The following SLC39A8 variants were observed in gnomAD, a reference collection of about 807,000 sequenced individuals.
SLC39A8 encodes the protein solute carrier family 39 member 8.
SLC39A8 carries 15 observed loss-of-function variants against 40.4 expected under a neutral mutation model. The ratio of observed to expected loss-of-function variants is 0.37; its 90% CI spans 0.25 to 0.57. SLC39A8 has a LOEUF of 0.57. Ranked by LOEUF, SLC39A8 falls within the 20% of genes least tolerant of loss-of-function variation. The pLI, the probability that SLC39A8 is intolerant of heterozygous loss-of-function variation, is 0.75. For synonymous variants in SLC39A8, 223 were observed against 221.6 expected (o/e 1.01, Z -0.06); for missense variants, 472 against 558.8 (o/e 0.84, Z 1.57).
intron 6 of SLC39A8, among the ~76,000 whole-genome samples, chr4:102,283,972 T>G (rs923226858): frequency 6.6e-6 from 1 of 151,848 alleles, no homozygotes; most frequent in Non-Finnish European, 1.5e-5. Flanking sequence ...GATGGTTCCT[T>G]CTTACAATTC....
rs146486178 is a variant in SLC39A8 at position 102,263,267 on chromosome 4, A to G, written c.1234-74T>C. On this transcript the variant is annotated intron_variant, in intron 8 of 8. Coordinates refer to ENST00000356736, the MANE Select transcript of SLC39A8 (RefSeq NM_001135146.2). ...CCACAAAACAGTCACTTAGAGGCAT[A>G]CCTTGGAGACAGTGTGGGTTTGGTT... 5.4e-6 allele frequency: 7 copies of G among 1,301,456 alleles called. No homozygotes were observed. The African/African-American group carries it at 7.3e-5, about 14-fold the overall frequency. The allele number at this position is 1,301,456 out of a possible 1,614,324, so 80.6% of individuals were successfully genotyped here.
At chr4:102,306,051 C>T (rs1734157985) in intron 4 of SLC39A8, among the ~76,000 whole-genome samples, 1 of 151,812 alleles carries the variant, frequency 6.6e-6, no homozygotes, top group Admixed American at 6.6e-5. Context: ...TTCCATTTAC[C>T]TAACATTGAG....
At chr4:102,277,924 G>A (rs546298027) in intron 6 of SLC39A8, among the ~76,000 whole-genome samples, 160 of 152,278 alleles carry the variant, frequency 1.1e-3, no homozygotes, top group Middle Eastern at 3.4e-3. Flanking sequence ...GGGAAAACTG[G>A]CTAGCCATAT....
intron 2 of SLC39A8, among the ~76,000 whole-genome samples, chr4:102,319,030 A>T (rs1734779802): frequency 6.6e-6 from 1 of 152,208 alleles, no homozygotes; most frequent in Non-Finnish European, 1.5e-5. Context: ...GTGACCTCAA[A>T]TGGGCCTTGT....
intron 8 of SLC39A8, among the ~76,000 whole-genome samples, chr4:102,265,931 C>T (rs993110026): frequency 6.6e-6 from 1 of 152,170 alleles, no homozygotes; most frequent in Admixed American, 6.5e-5. Context: ...TCACCTGTAC[C>T]AGAACTTGTA....
chr4:102,319,486 G>A (rs1396533822), intron 2 of SLC39A8, among the ~76,000 whole-genome samples: 6 of 152,162 alleles, frequency 3.9e-5, no homozygotes, highest in Admixed American at 1.3e-4. Flanking sequence ...TTCTAACTCA[G>A]TTTAAAGAGA....
chr4:102,337,294 A>G (rs930088420), intron 2 of SLC39A8, among the ~76,000 whole-genome samples: 3 of 152,044 alleles, frequency 2.0e-5, no homozygotes. Context: ...TTAAACAATT[A>G]TTATGGTTGA....
intron 3 of SLC39A8, among the ~76,000 whole-genome samples, chr4:102,312,207 A>G (rs1025273664): frequency 6.6e-6 from 1 of 152,076 alleles, no homozygotes; most frequent in African/African-American, 2.4e-5. Flanking sequence ...AACATCTTAG[A>G]TGAGTAGTAA....
chr4:102,259,646 A>C (rs962752656), downstream of SLC39A8: 2 of 625,290 alleles, frequency 3.2e-6, no homozygotes, highest in Admixed American at 2.8e-5. Flanking sequence ...GGCCAACCCG[A>C]AAGTCAACGA....
At chr4:102,307,079 A>G (rs1413786369) in intron 4 of SLC39A8, among the ~76,000 whole-genome samples, 1 of 151,688 alleles carries the variant, frequency 6.6e-6, no homozygotes, top group Non-Finnish European at 1.5e-5. Flanking sequence ...TACAGTTGAC[A>G]TTGCATGCTC....
intron 2 of SLC39A8, among the ~76,000 whole-genome samples, chr4:102,319,527 G>A (rs1413218277): frequency 6.6e-6 from 1 of 152,098 alleles, no homozygotes; most frequent in East Asian, 1.9e-4. Flanking sequence ...TGACCACCCT[G>A]GTCCTGCCTT....
intron 4 of SLC39A8, among the ~76,000 whole-genome samples, chr4:102,306,920 T>C (rs1297941616): frequency 6.6e-6 from 1 of 152,052 alleles, no homozygotes; most frequent in Non-Finnish European, 1.5e-5. Context: ...TAGTCCTCAA[T>C]TGATATTTTT....
chr4:102,262,603 C>G lies in SLC39A8; in HGVS notation c.*441G>C. On this transcript the variant is annotated 3_prime_UTR_variant, in exon 9 of 9. Coordinates refer to ENST00000356736, the MANE Select transcript of SLC39A8 (RefSeq NM_001135146.2). ...ATTTTACCTTCTACATTTTGATGTA[C>G]TTGCTCTTGAAAGCACTAGAACAAA... 1.0e-6 allele frequency: 1 copy of G among 985,286 alleles called. No individual in the cohort carries two copies. Among genetic ancestry groups the G allele is most frequent in the Non-Finnish European group, 1.2e-6 (1 of 829,654 alleles). The allele number at this position is 985,286 out of a possible 1,614,324, so 61.0% of individuals were successfully genotyped here.
Position 102,261,685 on chromosome 4 carries a change from A to G in SLC39A8, c.*1359T>C, listed in dbSNP as rs1464468882. On this transcript the variant is annotated 3_prime_UTR_variant, in exon 9 of 9. Coordinates refer to ENST00000356736, the MANE Select transcript of SLC39A8 (RefSeq NM_001135146.2). ...AATACATGGTTTCAAAAGGGTGTTT[A>G]CTATTTGGCCAAACAATATTTTTTA... The G allele has an allele frequency of 1.0e-6, 1 of 978,796 alleles. No individual in the cohort carries two copies. Among genetic ancestry groups the G allele is most frequent in the Non-Finnish European group, 1.2e-6 (1 of 823,356 alleles). 60.6% of individuals were successfully genotyped at this position (978,796 alleles called of 1,614,324 possible).
intron 2 of SLC39A8, among the ~76,000 whole-genome samples, chr4:102,340,798 C>T (rs1417381753): frequency 6.6e-6 from 1 of 152,160 alleles, no homozygotes; most frequent in Non-Finnish European, 1.5e-5. Context: ...TAAATCAGTG[C>T]TGGCTGTGAT....
At chr4:102,326,015 G>T (rs1735182277) in intron 2 of SLC39A8, among the ~76,000 whole-genome samples, 1 of 152,160 alleles carries the variant, frequency 6.6e-6, no homozygotes, top group South Asian at 2.1e-4. Flanking sequence ...CTAAAAGTGT[G>T]GTGTGGTGTC....
intron 2 of SLC39A8, among the ~76,000 whole-genome samples, chr4:102,332,576 T>G (rs1049803514): frequency 2.0e-5 from 3 of 152,184 alleles, no homozygotes; most frequent in African/African-American, 7.2e-5. Flanking sequence ...GGAGTATAAA[T>G]TAGTTCAACC....
At chr4:102,265,416 C>T (rs1732057437) in intron 8 of SLC39A8, among the ~76,000 whole-genome samples, 1 of 152,112 alleles carries the variant, frequency 6.6e-6, no homozygotes, top group Non-Finnish European at 1.5e-5. Flanking sequence ...ATAGTAACAT[C>T]ATAGATCACT....
intron 2 of SLC39A8, among the ~76,000 whole-genome samples, chr4:102,316,904 C>T (rs1286514221): frequency 6.6e-6 from 1 of 152,090 alleles, no homozygotes; most frequent in Non-Finnish European, 1.5e-5. Context: ...TAAAAAGAGA[C>T]ATCAAAGAGC....
Sources: allele counts gnomAD v4.1 joint callset (sites outside exome capture counted in the v4.1 genomes callset), GRCh38; gene constraint gnomAD v4.1.1; transcripts MANE v1.5; gene names NCBI Gene and HGNC (gene_info 2026-07-23, HGNC 2026-07-21).